Variants in NKAIN3 observed in about 807,000 individuals in gnomAD.
NKAIN3 encodes the protein sodium/potassium-transporting ATPase subunit beta-1-interacting protein 3.
In NKAIN3, 25 loss-of-function variants were observed where a neutral mutation model predicts 30.2. That is an observed-to-expected ratio of 0.83 (90% CI 0.60 to 1.16). NKAIN3 has a LOEUF of 1.16. Ranked by LOEUF, NKAIN3 falls within the 50% of genes most tolerant of loss-of-function variation. The probability of loss-of-function intolerance (pLI) is 0.00; values close to 1 mark genes in which losing one functional copy is unlikely to be tolerated. For synonymous variants in NKAIN3, 91 were observed against 89.6 expected (o/e 1.02, Z -0.09); for missense variants, 225 against 254.1 (o/e 0.89, Z 0.78).
intron 1 of NKAIN3, among the ~76,000 whole-genome samples, chr8:62,306,291 C>G (rs1207996932): frequency 6.7e-6 from 1 of 150,086 alleles, no homozygotes; most frequent in African/African-American, 2.5e-5. Flanking sequence ...GGAGGACTCT[C>G]TTGCTTTTTA....
intron 1 of NKAIN3, among the ~76,000 whole-genome samples, chr8:62,484,575 A>G (rs1267447225): frequency 2.0e-5 from 3 of 152,214 alleles, no homozygotes; most frequent in Admixed American, 6.5e-5. Flanking sequence ...CATATCTCAA[A>G]TCTTCGTTTA....
intron 3 of NKAIN3, among the ~76,000 whole-genome samples, chr8:62,657,325 T>G (rs925304272): frequency 1.3e-5 from 2 of 152,306 alleles, no homozygotes; most frequent in East Asian, 3.9e-4. Flanking sequence ...ATAGACTGGT[T>G]GGTCAATACT....
rs368067312 is a variant in NKAIN3 at position 62,321,514 on chromosome 8, A to G, written c.54+72387A>G. On this transcript the variant is annotated intron_variant, in intron 1 of 6. Transcript: ENST00000623646. Reference sequence around the variant, plus strand: ...ACGTACAGATGGAGTTTTGGTGTGGATGTCCTTTCTGTTTGTTAGTTTTCC... The same window carrying G: ...ACGTACAGATGGAGTTTTGGTGTGGGTGTCCTTTCTGTTTGTTAGTTTTCC... 2.6e-5 allele frequency among the ~76,000 whole-genome samples: 4 copies of G among 152,204 alleles called. No individual in the cohort carries two copies. In the East Asian group the frequency reaches 7.7e-4, roughly 29 times the overall value.
intron 4 of NKAIN3, among the ~76,000 whole-genome samples, chr8:62,774,256 G>T (rs1422723797): frequency 6.6e-6 from 1 of 152,112 alleles, no homozygotes; most frequent in Non-Finnish European, 1.5e-5. Flanking sequence ...TGTTGATTTT[G>T]TATCCTGCAA....
At chr8:62,431,402 A>G (rs530827989) in intron 1 of NKAIN3, among the ~76,000 whole-genome samples, 20 of 152,014 alleles carry the variant, frequency 1.3e-4, no homozygotes, top group South Asian at 6.2e-4. Flanking sequence ...ATAAACATAT[A>G]TAGCAATTTT....
intron 1 of NKAIN3, among the ~76,000 whole-genome samples, chr8:62,379,436 T>C (rs191215784): frequency 6.6e-6 from 1 of 152,306 alleles, no homozygotes; most frequent in East Asian, 1.9e-4. Flanking sequence ...TGGAATGATA[T>C]GGTTTGGCTT....
intron 3 of NKAIN3, among the ~76,000 whole-genome samples, chr8:62,693,957 T>G (rs547907833): frequency 1.6e-4 from 24 of 152,312 alleles, no homozygotes; most frequent in African/African-American, 5.3e-4. Context: ...GAATTCATAT[T>G]TTTATTGATA....
chr8:62,977,751 T>C lies in NKAIN3; in HGVS notation c.*12344T>C, dbSNP rs1361464405. 6.6e-6 allele frequency: 1 copy of C among 152,160 alleles called. No homozygotes were observed. Among genetic ancestry groups the C allele is most frequent in the Non-Finnish European group, 1.5e-5 (1 of 68,026 alleles). 9.4% of individuals were successfully genotyped at this position (152,160 alleles called of 1,614,324 possible). A position where few individuals can be genotyped will look rare whatever the true frequency, so the allele number is the denominator to read the frequency against. ...ACATTCTCCATTCAGTATTGTTCCC[T>C]TGCTGGTAAGGAGTTGTGATCCTTT... is the stretch of plus-strand genomic sequence containing the variant. On this transcript the variant is annotated 3_prime_UTR_variant, in exon 7 of 7. Transcript: ENST00000623646.
chr8:62,249,494 C>G (rs1439456782), intron 1 of NKAIN3, among the ~76,000 whole-genome samples: 2 of 152,258 alleles, frequency 1.3e-5, no homozygotes, highest in African/African-American at 4.8e-5. Context: ...TGAAGTTACA[C>G]GGGGACTTGC....
At chr8:62,705,875 TTTG>T (rs1166242177) in intron 3 of NKAIN3, among the ~76,000 whole-genome samples, 1 of 152,146 alleles carries the variant, frequency 6.6e-6, no homozygotes, top group Non-Finnish European at 1.5e-5. Context: ...CTTTAGATAT[TTTG>T]TTGTTTGTTT....
chr8:62,883,457 G>GTTGTTGTTGTTTTTTTTTTTTTTT, intron 4 of NKAIN3, among the ~76,000 whole-genome samples: 1 of 70,226 alleles, frequency 1.4e-5, no homozygotes, highest in Non-Finnish European at 2.4e-5. Context: ...AGTTTTATGG[G>GTTGTTGTTGTTTTTTTTTTTTTTT]TTTTTTTTTT....
At chr8:62,370,939 T>G (rs1031754930) in intron 1 of NKAIN3, among the ~76,000 whole-genome samples, 3 of 152,008 alleles carry the variant, frequency 2.0e-5, no homozygotes, top group African/African-American at 7.2e-5. Context: ...GAGCCTTCAG[T>G]TGTAAATGTG....
At chr8:62,292,342 A>T (rs187979328) in intron 1 of NKAIN3, among the ~76,000 whole-genome samples, 54 of 152,248 alleles carry the variant, frequency 3.5e-4, no homozygotes, top group African/African-American at 1.3e-3. Context: ...GATGGTCTTT[A>T]CAATTTTGCA....
At chr8:62,696,758 T>A (rs1169868508) in intron 3 of NKAIN3, among the ~76,000 whole-genome samples, 2 of 152,190 alleles carry the variant, frequency 1.3e-5, no homozygotes. Flanking sequence ...TTTGTGAGAT[T>A]TGAGAGTGTG....
At chr8:62,560,787 C>T (rs827696) in intron 1 of NKAIN3, among the ~76,000 whole-genome samples, 3 of 151,774 alleles carry the variant, frequency 2.0e-5, no homozygotes, top group East Asian at 1.9e-4. Context: ...GTAATACACC[C>T]GTCTCGGCCT....
chr8:62,856,458 G>T, intron 4 of NKAIN3: 1 of 786,710 alleles, frequency 1.3e-6, no homozygotes, highest in South Asian at 1.3e-5. Flanking sequence ...ATAAGGATAT[G>T]TCAAAGCCCC....
intron 1 of NKAIN3, among the ~76,000 whole-genome samples, chr8:62,417,486 C>G (rs1804485733): frequency 6.6e-6 from 1 of 152,026 alleles, no homozygotes. Context: ...CGGTATATAC[C>G]CAGCATTGAG....
intron 5 of NKAIN3, among the ~76,000 whole-genome samples, chr8:62,948,447 C>T (rs1245060954): frequency 2.6e-5 from 4 of 152,152 alleles, no homozygotes; most frequent in African/African-American, 4.8e-5. Context: ...ATCTGCCTGC[C>T]TCGGCCTCCC....
At chr8:62,359,988 C>A (rs1358098589) in intron 1 of NKAIN3, among the ~76,000 whole-genome samples, 1 of 152,138 alleles carries the variant, frequency 6.6e-6, no homozygotes, top group African/African-American at 2.4e-5. Flanking sequence ...GCAACCTCAG[C>A]CACAATGTGT....
Sources: allele counts gnomAD v4.1 joint callset (sites outside exome capture counted in the v4.1 genomes callset), GRCh38; gene constraint gnomAD v4.1.1; transcripts MANE v1.5; gene names NCBI Gene and HGNC (gene_info 2026-07-23, HGNC 2026-07-21).